Variants in ASIC2 observed in about 807,000 individuals in gnomAD.
The protein encoded by ASIC2 is acid-sensing ion channel 2.
In ASIC2, 25 loss-of-function variants were observed where a neutral mutation model predicts 57.3. That is an observed-to-expected ratio of 0.44 (90% CI 0.32 to 0.61). The LOEUF is 0.61. Among genes scored for constraint, ASIC2 ranks in the 20% least tolerant of loss-of-function variants. ASIC2 has a pLI of 0.06. For synonymous variants in ASIC2, 319 were observed against 307.5 expected, an observed-to-expected ratio of 1.04 and a Z score of -0.39; for missense variants, 641 against 738.1, an observed-to-expected ratio of 0.87 and a Z score of 1.52.
At chr17:33,185,526 T>C (rs1402699060) in intron 1 of ASIC2, among the ~76,000 whole-genome samples, 1 of 152,044 alleles carries the variant, frequency 6.6e-6, no homozygotes. Context: ...CCTGCCTTAC[T>C]GCCAGGAGAG....
chr17:34,095,192 C>T (rs1910472916), intron 1 of ASIC2, among the ~76,000 whole-genome samples: 1 of 152,120 alleles, frequency 6.6e-6, no homozygotes, highest in South Asian at 2.1e-4. Context: ...CCCTGGGAGA[C>T]CATCAGAGGG....
At chr17:34,077,430 C>T (rs1231308856) in intron 1 of ASIC2, among the ~76,000 whole-genome samples, 1 of 152,126 alleles carries the variant, frequency 6.6e-6, no homozygotes, top group Non-Finnish European at 1.5e-5. Context: ...TTGGTGTCCG[C>T]GGAGGCTGTG....
At chr17:33,150,799 G>A (rs1904757503) in intron 1 of ASIC2, among the ~76,000 whole-genome samples, 1 of 101,054 alleles carries the variant, frequency 9.9e-6, no homozygotes, top group African/African-American at 4.5e-5. Context: ...GCAGTGAGCC[G>A]AGATCCCGCC....
chr17:33,872,207 T>A (rs1027091860), intron 1 of ASIC2, among the ~76,000 whole-genome samples: 1 of 152,078 alleles, frequency 6.6e-6, no homozygotes, highest in African/African-American at 2.4e-5. Context: ...AGCCTGAGAA[T>A]CTTGGAGCTG....
intron 1 of ASIC2, among the ~76,000 whole-genome samples, chr17:33,373,806 G>A (rs1033858446): frequency 2.0e-5 from 3 of 151,882 alleles, no homozygotes; most frequent in African/African-American, 7.3e-5. Flanking sequence ...AGCTTCCCGA[G>A]TAGCTGGGAT....
intron 1 of ASIC2, among the ~76,000 whole-genome samples, chr17:33,549,343 G>T (rs1207470436): frequency 6.6e-6 from 1 of 152,108 alleles, no homozygotes; most frequent in Non-Finnish European, 1.5e-5. Context: ...GCAAAGCTTT[G>T]CTGATGATGA....
intron 1 of ASIC2, among the ~76,000 whole-genome samples, chr17:33,220,394 C>G (rs1426704951): frequency 1.3e-5 from 2 of 152,210 alleles, no homozygotes; most frequent in Non-Finnish European, 2.9e-5. Flanking sequence ...CCCCTAGAGT[C>G]TCCTGTTCTC....
At chr17:33,624,310 G>A (rs1567672402) in intron 1 of ASIC2, among the ~76,000 whole-genome samples, 1 of 152,232 alleles carries the variant, frequency 6.6e-6, no homozygotes, top group East Asian at 1.9e-4. Context: ...GCAAAGCACA[G>A]TGAGGCATGC....
intron 1 of ASIC2, among the ~76,000 whole-genome samples, chr17:33,286,560 C>A (rs1352186487): frequency 2.0e-5 from 3 of 152,162 alleles, no homozygotes; most frequent in Admixed American, 6.5e-5. Context: ...AGGCGCGGGG[C>A]CTAGAATGCA....
At chr17:33,602,652 CA>C (rs761988150) in intron 1 of ASIC2, among the ~76,000 whole-genome samples, 82 of 152,312 alleles carry the variant, frequency 5.4e-4, no homozygotes, top group Non-Finnish European at 1.0e-3. Context: ...CTGCATCACC[CA>C]CAAAAGACCT....
rs561172018 is a variant in ASIC2, at chr17:33,288,087, G to A, written c.708+3321C>T. Among the ~76,000 whole-genome samples the A allele has an allele frequency of 6.8e-4, 103 of 152,238 alleles. 1 individual carries two copies. The highest frequency in any genetic ancestry group is 2.3e-3 in the African/African-American group (95 of 41,544). ...GTCTGTTGGGTGCCGGAGGCAGCAA[G>A]TACATCAGATATGATTCCTACTCTG... On this transcript the variant is annotated intron_variant, in intron 1 of 9. Transcript: ENST00000225823.
intron 1 of ASIC2, among the ~76,000 whole-genome samples, chr17:33,943,685 A>G (rs1261356344): frequency 7.3e-6 from 1 of 136,270 alleles, no homozygotes; most frequent in Non-Finnish European, 1.6e-5. Flanking sequence ...TCATTGAATG[A>G]TAATAGTAAA....
intron 1 of ASIC2, among the ~76,000 whole-genome samples, chr17:34,144,313 T>A (rs1287524974): frequency 6.6e-6 from 1 of 152,224 alleles, no homozygotes; most frequent in Admixed American, 6.5e-5. Flanking sequence ...AAAGAACTTT[T>A]ATTTGTGACA....
chr17:33,792,637 A>G (rs943333407), intron 1 of ASIC2: 1 of 152,204 alleles, frequency 6.6e-6, no homozygotes, highest in Admixed American at 6.5e-5. Flanking sequence ...GTGCCTTGTA[A>G]TGCCTTCTAT....
At chr17:34,136,765 T>C (rs1327794126) in intron 1 of ASIC2, among the ~76,000 whole-genome samples, 1 of 152,240 alleles carries the variant, frequency 6.6e-6, no homozygotes, top group Non-Finnish European at 1.5e-5. Flanking sequence ...GCCACTCATA[T>C]TTGGCTCAGA....
intron 1 of ASIC2, among the ~76,000 whole-genome samples, chr17:34,095,655 AAT>A (rs1213076994): frequency 3.0e-4 from 29 of 95,568 alleles, no homozygotes; most frequent in African/African-American, 1.4e-3. Flanking sequence ...ATATATATAT[AAT>A]TTTATATATA....
intron 1 of ASIC2, among the ~76,000 whole-genome samples, chr17:34,085,521 A>C (rs1385501202): frequency 2.6e-5 from 4 of 152,314 alleles, no homozygotes; most frequent in South Asian, 4.1e-4. Context: ...TGTCTCTGCC[A>C]GGCTTTGGTA....
rs550433322 is a variant in ASIC2, at chr17:33,742,825, C to T, written c.555+413153G>A. On this transcript the variant is annotated intron_variant, in intron 1 of 9. Coordinates refer to the ASIC2 transcript ENST00000359872. Reference sequence around the variant, plus strand: ...ACCACTGCCTCACGTCCCTGGCACACGCACCGTTCCTGGGTGCAGGGTGGC... The same window carrying T: ...ACCACTGCCTCACGTCCCTGGCACATGCACCGTTCCTGGGTGCAGGGTGGC... Among the ~76,000 whole-genome samples, 37 of 152,340 alleles carry T rather than the reference C, an allele frequency of 2.4e-4. 1 individual carries two copies. In the South Asian group the frequency reaches 2.7e-3, roughly 11 times the overall value.
At chr17:33,378,075 G>A (rs1490814316) in intron 1 of ASIC2, among the ~76,000 whole-genome samples, 1 of 152,206 alleles carries the variant, frequency 6.6e-6, no homozygotes, top group Non-Finnish European at 1.5e-5. Flanking sequence ...TCTATGCATG[G>A]CATAGAGGCT....
Sources: allele counts gnomAD v4.1 joint callset (sites outside exome capture counted in the v4.1 genomes callset), GRCh38; gene constraint gnomAD v4.1.1; transcripts MANE v1.5; gene names NCBI Gene and HGNC (gene_info 2026-07-23, HGNC 2026-07-21).